PTCRA: variants seen among roughly 807,000 people sequenced by gnomAD.
PTCRA encodes pre T-cell antigen receptor alpha.
PTCRA carries 9 observed loss-of-function variants against 13.4 expected under a neutral mutation model. That is an observed-to-expected ratio of 0.67 (90% CI 0.41 to 1.18). The LOEUF (loss-of-function observed/expected upper bound fraction) is 1.18, where lower values mean the gene tolerates loss of function less well. Among genes scored for constraint, PTCRA ranks in the 50% most tolerant of loss-of-function variants. PTCRA has a pLI of 0.01. For missense variants in PTCRA, 353 were observed against 359.8 expected (o/e 0.98, Z 0.15); for synonymous variants, 153 against 161.9 (o/e 0.94, Z 0.42).
In PTCRA at chr6:42,925,355, C is replaced by G. The variant is rs766577832; in HGVS notation, c.519C>G (p.Cys173Trp). The stretch of plus-strand genomic sequence containing the variant: ...TGCTCCTGACCTGCAGCTGCCTGTG[C>G]GACCCCGCGGGCCCGCTGCCTTCCC... ...FDLLLTCSCL[C>W]DPAGPLPSPA... Residue 173 changes from cysteine to tryptophan, a missense_variant, in exon 4 of 4, where the codon TGC becomes TGG. Transcript: ENST00000304672. This position sits in a 1 kb window ranked among gnomAD's most constrained non-coding sequence, Gnocchi z 4.4. 2.6e-6 allele frequency: 4 copies of G among 1,562,354 alleles called. No individual in the cohort carries two copies. The highest frequency in any genetic ancestry group is 3.5e-6 in the Non-Finnish European group (4 of 1,155,452).
chr6:42,925,253 C>A lies in PTCRA; in HGVS notation c.425-8C>A. 1 of 1,583,744 alleles carries A rather than the reference C, an allele frequency of 6.3e-7. No individual in the cohort carries two copies. Among genetic ancestry groups the A allele is most frequent in the Non-Finnish European group, 8.5e-7 (1 of 1,172,582 alleles). ...TCCTGCGGGCTCCTGAGCGGTTCCT[C>A]CTCGCAGGGACACCGGGTGGGGCGC... On this transcript the variant is annotated splice_region_variant and splice_polypyrimidine_tract_variant and intron_variant, in intron 3 of 3. Coordinates refer to ENST00000304672, the MANE Select transcript of PTCRA (RefSeq NM_138296.3). This position sits in a 1 kb window ranked among gnomAD's most constrained non-coding sequence, Gnocchi z 4.4.
At chr6:42,921,412 CTTTT>C (rs59029514) in intron 1 of PTCRA, among the ~76,000 whole-genome samples, 63 of 85,654 alleles carry the variant, frequency 7.4e-4, no homozygotes, top group African/African-American at 2.6e-3. Flanking sequence ...AACAAAGCTT[CTTTT>C]TTTTTTTTTT....
At chr6:42,916,170 G>C in intron 1 of PTCRA, 43 bp downstream of exon 1, 1 of 1,590,280 alleles carries the variant, frequency 6.3e-7, no homozygotes, top group Non-Finnish European at 8.6e-7. Flanking sequence ...TCCTCAGTCT[G>C]CCGAAGCCCA....
intron 1 of PTCRA, among the ~76,000 whole-genome samples, chr6:42,921,980 G>A (rs144671810): frequency 1.3e-3 from 191 of 151,946 alleles, no homozygotes; most frequent in Non-Finnish European, 1.9e-3. Flanking sequence ...AGCCGACATG[G>A]TGCCACTGCA....
intron 1 of PTCRA, among the ~76,000 whole-genome samples, chr6:42,922,688 T>A (rs558505430): frequency 4.7e-5 from 7 of 149,496 alleles, no homozygotes; most frequent in Non-Finnish European, 8.9e-5. Context: ...TGCAGTGAGC[T>A]GAGATCGCGC....
intron 1 of PTCRA, among the ~76,000 whole-genome samples, chr6:42,919,248 C>CCT (rs1767028156): frequency 6.6e-6 from 1 of 152,156 alleles, no homozygotes; most frequent in Non-Finnish European, 1.5e-5. Flanking sequence ...CCCACCTCAG[C>CCT]CTCCCAAAGT....
At chr6:42,923,993 G>A (rs1256930094) in intron 2 of PTCRA, among the ~76,000 whole-genome samples, 4 of 152,150 alleles carry the variant, frequency 2.6e-5, no homozygotes, top group African/African-American at 9.7e-5. Flanking sequence ...TGAGAGTTCC[G>A]GGCTCCCCAG....
chr6:42,925,634 A>G lies in PTCRA; in HGVS notation c.798A>G (p.Ala266=). ...ALRAPSSSLG[A]FFAGDLPPPL... is the part of the protein sequence containing the mutation. Reference sequence around the variant, plus strand: ...GGGCTCCTTCCTCCAGTCTTGGAGCATTTTTTGCAGGTGACCTGCCTCCTC... The same window carrying G: ...GGGCTCCTTCCTCCAGTCTTGGAGCGTTTTTTGCAGGTGACCTGCCTCCTC... The change falls in exon 4 of 4, where the codon GCA becomes GCG. Residue 266 remains alanine, a synonymous_variant. Coordinates refer to ENST00000304672, the MANE Select transcript of PTCRA (RefSeq NM_138296.3). This position sits in a 1 kb window ranked among gnomAD's most constrained non-coding sequence, Gnocchi z 4.4. 2 of 1,560,350 alleles carry G rather than the reference A, an allele frequency of 1.3e-6. No homozygotes were observed. Among genetic ancestry groups the G allele is most frequent in the Non-Finnish European group, 1.7e-6 (2 of 1,155,752 alleles).
chr6:42,925,277 G>A lies in PTCRA; in HGVS notation c.441G>A (p.Ala147=), dbSNP rs758393976. Residue 147 remains alanine, a synonymous_variant, in exon 4 of 4, where the codon GCG becomes GCA. Transcript: ENST00000304672. The surrounding 1 kb of genome is among the most constrained non-coding windows in gnomAD (Gnocchi z 4.4). ...TCCTCGCAGGGACACCGGGTGGGGC[G>A]CTGTGGCTGGGGGTCCTGCGGCTGC... The part of the protein sequence containing the change: ...QEPLRGTPGG[A]LWLGVLRLLL... 20 of 1,590,058 alleles carry A rather than the reference G, an allele frequency of 1.3e-5. No individual in the cohort carries two copies. Among genetic ancestry groups the A allele is most frequent in the Non-Finnish European group, 1.2e-5 (14 of 1,175,378 alleles).
chr6:42,924,154 G>A, intron 2 of PTCRA, 75 bp from the exon 3 acceptor site: 1 of 1,335,338 alleles, frequency 7.5e-7, no homozygotes, highest in Non-Finnish European at 1.0e-6. Flanking sequence ...CCAGGGCCTG[G>A]GCATAGCACT....
chr6:42,923,713 C>T (rs1159135138), intron 2 of PTCRA, among the ~76,000 whole-genome samples: 1 of 152,162 alleles, frequency 6.6e-6, no homozygotes, highest in Non-Finnish European at 1.5e-5. Context: ...CTGTTCCAGG[C>T]AGTGTTCTAC....
chr6:42,920,927 TGG>T (rs1214712195), intron 1 of PTCRA, among the ~76,000 whole-genome samples: 2 of 151,368 alleles, frequency 1.3e-5, no homozygotes, highest in Non-Finnish European at 2.9e-5. Context: ...CCAGAGTAGC[TGG>T]GACTACAGGC....
At chr6:42,919,884 G>A (rs984403207) in intron 1 of PTCRA, among the ~76,000 whole-genome samples, 1 of 124,742 alleles carries the variant, frequency 8.0e-6, no homozygotes, top group African/African-American at 3.1e-5. Context: ...GTCTCTACAG[G>A]TATTTTAAAA....
chr6:42,916,355 T>C (rs1766877701), intron 1 of PTCRA, among the ~76,000 whole-genome samples: 1 of 152,052 alleles, frequency 6.6e-6, no homozygotes, highest in African/African-American at 2.4e-5. Flanking sequence ...GCCACCTTGC[T>C]CTGGGGCTCC....
chr6:42,921,710 C>T (rs1767175338), intron 1 of PTCRA, among the ~76,000 whole-genome samples: 1 of 145,844 alleles, frequency 6.9e-6, no homozygotes, highest in Non-Finnish European at 1.5e-5. Context: ...GCCACCGTGC[C>T]CGGCCAACAA....
At position 42,925,642 on chromosome 6, in the gene PTCRA, C is replaced by T; in HGVS notation, c.806C>T (p.Ala269Val). ...APSSSLGAFF[A>V]GDLPPPLQAG... ...TCCTCCAGTCTTGGAGCATTTTTTG[C>T]AGGTGACCTGCCTCCTCCTCTGCAG... is the stretch of plus-strand genomic sequence containing the variant. The change falls in exon 4 of 4, where the codon GCA (alanine) becomes GTA (valine). Residue 269 changes from alanine (A) to valine (V), a missense_variant. By Grantham distance (64) the Ala-to-Val change is moderately conservative. Transcript: ENST00000304672. The surrounding 1 kb of genome is among the most constrained non-coding windows in gnomAD (Gnocchi z 4.4). The T allele has an allele frequency of 6.4e-7, 1 of 1,552,860 alleles. No individual in the cohort carries two copies. The highest frequency in any genetic ancestry group is 8.7e-7 in the Non-Finnish European group (1 of 1,151,160).
Position 42,925,659 on chromosome 6 carries a change from C to A in PTCRA, c.823C>A (p.Pro275Thr). The A allele has an allele frequency of 1.3e-6, 2 of 1,540,718 alleles. No individual in the cohort carries two copies. The highest frequency in any genetic ancestry group is 1.7e-6 in the Non-Finnish European group (2 of 1,143,610). Residue 275 changes from proline to threonine, a missense_variant, in exon 4 of 4, where the codon CCT becomes ACT. Transcript: ENST00000304672. The surrounding 1 kb of genome is among the most constrained non-coding windows in gnomAD (Gnocchi z 4.4). Reference protein sequence around the residue: ...GAFFAGDLPPPLQAGAA With the variant: ...GAFFAGDLPPTLQAGAA ...ATTTTTTGCAGGTGACCTGCCTCCT[C>A]CTCTGCAGGCTGGAGCTGCCTGAGG... is the stretch of plus-strand genomic sequence containing the variant.
chr6:42,925,073 T>A lies in PTCRA; in HGVS notation c.425-188T>A. On this transcript the variant is annotated intron_variant, in intron 3 of 3. Transcript: ENST00000304672. The surrounding 1 kb of genome is among the most constrained non-coding windows in gnomAD (Gnocchi z 4.4). ...CCCCCATGATTGTTGGGGAATAAAA[T>A]AAAATGAAGGCCAGGAAGGTATGTA... 1.3e-6 allele frequency: 1 copy of A among 752,466 alleles called. No individual in the cohort carries two copies. The highest frequency in any genetic ancestry group is 1.8e-5 in the African/African-American group (1 of 56,046). 46.6% of individuals were successfully genotyped at this position (752,466 alleles called of 1,614,324 possible).
chr6:42,919,054 T>A (rs1173385766), intron 1 of PTCRA, among the ~76,000 whole-genome samples: 1 of 145,528 alleles, frequency 6.9e-6, no homozygotes, highest in East Asian at 2.0e-4. Flanking sequence ...TTTTTTTTTT[T>A]AATTTTTTGA....
Sources: gnomAD v4.1 joint callset for allele counts (sites outside exome capture counted in the v4.1 genomes callset) on GRCh38, gnomAD v4.1.1 for gene constraint, Gnocchi (gnomAD v3.1) non-coding constraint, MANE v1.5 for transcripts, NCBI Gene and HGNC (gene_info 2026-07-23, HGNC 2026-07-21) for gene names.